Variants in SLC30A8 observed in about 807,000 individuals in gnomAD.
SLC30A8 encodes the protein solute carrier family 30 member 8, also known as proton-coupled zinc antiporter SLC30A8.
Under a neutral mutation model 36.9 loss-of-function variants are expected in SLC30A8, and 27 were observed. That is an observed-to-expected ratio of 0.73 (90% confidence interval 0.54 to 1.01). The LOEUF is 1.01. Ranked by LOEUF, SLC30A8 falls within the 50% of genes least tolerant of loss-of-function variation. SLC30A8 has a pLI of 0.00. For synonymous variants in SLC30A8, 164 were observed against 172.4 expected, an observed-to-expected ratio of 0.95 and a Z score of 0.38; for missense variants, 439 against 452.0, an observed-to-expected ratio of 0.97 and a Z score of 0.26.
At chr8:117,093,384 TA>T (rs2130835294) in intron 2 of SLC30A8, among the ~76,000 whole-genome samples, 1 of 151,738 alleles carries the variant, frequency 6.6e-6, no homozygotes, top group East Asian at 2.0e-4. Context: ...TTAAGCCAAA[TA>T]AGACTTAATA....
chr8:117,142,518 C>A (rs1205942706), intron 1 of SLC30A8, among the ~76,000 whole-genome samples: 1 of 151,964 alleles, frequency 6.6e-6, no homozygotes, highest in Non-Finnish European at 1.5e-5. Flanking sequence ...CTTTTTTGAC[C>A]TCTTTATATT....
intron 1 of SLC30A8, among the ~76,000 whole-genome samples, chr8:116,978,698 G>A (rs1815143373): frequency 6.6e-6 from 1 of 152,128 alleles, no homozygotes; most frequent in South Asian, 2.1e-4. Flanking sequence ...TAAGTGTTCA[G>A]ACATAATCTG....
rs545048669 is a variant in SLC30A8, at chr8:116,952,937, G to A, written c.-266+1818G>A. Among the ~76,000 whole-genome samples, 58 of 150,578 alleles carry A rather than the reference G, an allele frequency of 3.9e-4. 1 individual carries two copies. The South Asian group carries it at 9.7e-3, about 25-fold the overall frequency. Reference sequence around the variant, plus strand: ...GATTCTTTTTACCTGGGTATATTGCGTGAGGCTGAGGTTAGGGGCATGGTT... The same window carrying A: ...GATTCTTTTTACCTGGGTATATTGCATGAGGCTGAGGTTAGGGGCATGGTT... On this transcript the variant is annotated intron_variant, in intron 1 of 10. Transcript: ENST00000427715.
At chr8:117,016,634 A>C (rs1012392179) in intron 1 of SLC30A8, among the ~76,000 whole-genome samples, 1 of 152,238 alleles carries the variant, frequency 6.6e-6, no homozygotes, top group Non-Finnish European at 1.5e-5. Flanking sequence ...TAGATAGCAC[A>C]TATTTTATAT....
At chr8:117,028,912 G>T (rs371152457) in intron 1 of SLC30A8, among the ~76,000 whole-genome samples, 2 of 152,086 alleles carry the variant, frequency 1.3e-5, no homozygotes, top group South Asian at 2.1e-4. Context: ...ATCAGTATGA[G>T]TTTTCATTTG....
intron 1 of SLC30A8, among the ~76,000 whole-genome samples, chr8:117,143,588 T>TCGG (rs1821758281): frequency 6.6e-6 from 1 of 152,022 alleles, no homozygotes; most frequent in African/African-American, 2.4e-5. Context: ...TATCTTAACT[T>TCGG]TGGTTTTTAA....
chr8:117,080,433 C>T (rs1483981341), intron 2 of SLC30A8, among the ~76,000 whole-genome samples: 6 of 151,990 alleles, frequency 3.9e-5, no homozygotes, highest in Admixed American at 6.6e-5. Flanking sequence ...GTTTGAGGAA[C>T]GATTGACTCT....
chr8:116,983,311 T>C (rs1023636613), intron 1 of SLC30A8, among the ~76,000 whole-genome samples: 1 of 152,142 alleles, frequency 6.6e-6, no homozygotes, highest in Non-Finnish European at 1.5e-5. Context: ...TCCTGGTGAG[T>C]CTTTTAGGGC....
At position 117,173,234 on chromosome 8, in the gene SLC30A8, G is replaced by C. The variant is rs1823484441; in HGVS notation, c.*553G>C. 6.6e-6 allele frequency: 1 copy of C among 152,180 alleles called. No homozygotes were observed. Among genetic ancestry groups the C allele is most frequent in the Admixed American group, 6.6e-5 (1 of 15,262 alleles). The allele number at this position is 152,180 out of a possible 1,614,324, so 9.4% of individuals were successfully genotyped here. On this transcript the variant is annotated 3_prime_UTR_variant, in exon 8 of 8. Coordinates refer to ENST00000456015, the MANE Select transcript of SLC30A8 (RefSeq NM_173851.3). ...GAAATATGTATGAATATACAGAGAA[G>C]TGCTTACAACTAATTTTTATTTACT...
chr8:117,090,439 A>C (rs1819067613), intron 2 of SLC30A8, among the ~76,000 whole-genome samples: 1 of 152,174 alleles, frequency 6.6e-6, no homozygotes. Flanking sequence ...GGGTAACATA[A>C]ACAAAAGAAG....
intron 1 of SLC30A8, among the ~76,000 whole-genome samples, chr8:116,985,327 CACACACAAGTAT>C (rs1217364154): frequency 1.6e-4 from 23 of 144,916 alleles, no homozygotes; most frequent in Non-Finnish European, 3.4e-4. Flanking sequence ...CACACACACA[CACACACAAGTAT>C]GTATATCTTT....
intron 6 of SLC30A8, among the ~76,000 whole-genome samples, 183 bp from the exon 7 acceptor site, chr8:117,170,851 A>G (rs1419533853): frequency 6.6e-6 from 1 of 152,192 alleles, no homozygotes; most frequent in Non-Finnish European, 1.5e-5. Flanking sequence ...TGAGTGGGAA[A>G]TTTTGATTGA....
chr8:117,066,444 A>G (rs1329784794), intron 2 of SLC30A8, among the ~76,000 whole-genome samples: 1 of 152,168 alleles, frequency 6.6e-6, no homozygotes, highest in African/African-American at 2.4e-5. Context: ...GCCTGCTGTT[A>G]TAGACACCTG....
At chr8:117,112,474 C>T (rs917683315) in intron 2 of SLC30A8, among the ~76,000 whole-genome samples, 5 of 151,994 alleles carry the variant, frequency 3.3e-5, no homozygotes, top group African/African-American at 9.7e-5. Context: ...ATGAAAAACC[C>T]CTTGAGACTC....
At chr8:117,109,258 C>G (rs554068361) in intron 2 of SLC30A8, among the ~76,000 whole-genome samples, 5 of 152,190 alleles carry the variant, frequency 3.3e-5, no homozygotes, top group African/African-American at 1.2e-4. Flanking sequence ...AGGCATTATT[C>G]TTTGAAGGAA....
At chr8:116,999,683 G>A (rs1330161291) in intron 1 of SLC30A8, among the ~76,000 whole-genome samples, 1 of 151,996 alleles carries the variant, frequency 6.6e-6, no homozygotes, top group African/African-American at 2.4e-5. Flanking sequence ...TGATAAATGA[G>A]GTTTCCTGTT....
chr8:116,995,991 C>G (rs1377301682), intron 1 of SLC30A8, among the ~76,000 whole-genome samples: 1 of 152,192 alleles, frequency 6.6e-6, no homozygotes, highest in African/African-American at 2.4e-5. Context: ...CCCCGGTAAG[C>G]CTTTGTCTCT....
In SLC30A8 at chr8:117,028,113, T is replaced by A. The variant is rs532269638; in HGVS notation, c.-265-11106T>A. On this transcript the variant is annotated intron_variant, in intron 1 of 10. Transcript: ENST00000427715. ...CGACTACCATTTGATTTGTTGATGC[T>A]GGAGGGAAAGAAGTGGAGAAAGAGA... is the stretch of plus-strand genomic sequence containing the variant. Among the ~76,000 whole-genome samples the A allele has an allele frequency of 7.9e-5, 12 of 152,288 alleles. No individual in the cohort carries two copies. The South Asian group carries it at 2.5e-3, about 32-fold the overall frequency.
At chr8:117,165,156 T>C (rs995615734) in intron 6 of SLC30A8, among the ~76,000 whole-genome samples, 3 of 152,236 alleles carry the variant, frequency 2.0e-5, no homozygotes, top group Non-Finnish European at 4.4e-5. Context: ...TGCAAGTTTC[T>C]AGCTGTGAGA....
Sources: gnomAD v4.1 joint callset for allele counts (sites outside exome capture counted in the v4.1 genomes callset) on GRCh38, gnomAD v4.1.1 for gene constraint, MANE v1.5 for transcripts, NCBI Gene and HGNC (gene_info 2026-07-23, HGNC 2026-07-21) for gene names.